BRME1: variants seen among roughly 807,000 people sequenced by gnomAD.
The protein encoded by BRME1 is break repair meiotic recombinase recruitment factor 1, also known as BRCA2 and MEILB2-associating protein 1.
In BRME1, 31 loss-of-function variants were observed where a neutral mutation model predicts 52.6. The ratio of observed to expected loss-of-function variants is 0.59; its 90% CI spans 0.44 to 0.80. The LOEUF (loss-of-function observed/expected upper bound fraction) is 0.80, where lower values mean the gene tolerates loss of function less well. BRME1 is among the 30% of genes least tolerant of loss of function. The probability of loss-of-function intolerance (pLI) is 0.00; values close to 1 mark genes in which losing one functional copy is unlikely to be tolerated. For synonymous variants in BRME1, 359 were observed against 353.6 expected, an observed-to-expected ratio of 1.02 and a Z score of -0.17; for missense variants, 804 against 860.3, an observed-to-expected ratio of 0.93 and a Z score of 0.82.
Position 13,889,983 on chromosome 19 carries a change from T to C in BRME1, c.873A>G (p.Gly291=). 1 of 1,612,818 alleles carries C rather than the reference T, an allele frequency of 6.2e-7. No homozygotes were observed. The highest frequency in any genetic ancestry group is 8.5e-7 in the Non-Finnish European group (1 of 1,179,942). The change falls in exon 6 of 9, where the codon GGA becomes GGG. Residue 291 remains glycine (G), a synonymous_variant. Transcript: ENST00000586783. ...CCAGGCACCAAGAGGCAGGGCCCAG[T>C]CCTGGAGCAGGGCCTGAGGTAGGAG... is the stretch of plus-strand genomic sequence containing the variant. ...ASAPTSGPAP[G]LGPASWCLEP... is the part of the protein sequence containing the mutation.
At chr19:13,904,585 G>T (rs1477199295) in intron 2 of BRME1, among the ~76,000 whole-genome samples, 1 of 151,902 alleles carries the variant, frequency 6.6e-6, no homozygotes, top group South Asian at 2.1e-4. Context: ...GGGACTACAG[G>T]CATGTGCCAC....
chr19:13,883,506 TC>T lies in BRME1; in HGVS notation c.1764-107del. The T allele has an allele frequency of 1.2e-6, 1 of 809,844 alleles. No homozygotes were observed. The highest frequency in any genetic ancestry group is 2.0e-6 in the Non-Finnish European group (1 of 502,278). 50.2% of individuals were successfully genotyped at this position (809,844 alleles called of 1,614,324 possible). A position where few individuals can be genotyped will look rare whatever the true frequency, so the allele number is the denominator to read the frequency against. On this transcript the variant is annotated intron_variant, in intron 7 of 8. Transcript: ENST00000586783. The surrounding 1 kb of genome is among the most constrained non-coding windows in gnomAD (Gnocchi z 4.2). ...GGCCTCGCGCCATCTTTTCCAGGTG[TC>T]CAGCCTGTCCTCCTCTGTTCACGAC...
chr19:13,900,996 A>G (rs1404705598), intron 2 of BRME1, among the ~76,000 whole-genome samples: 3 of 151,712 alleles, frequency 2.0e-5, no homozygotes, highest in South Asian at 2.1e-4. Context: ...TTTCTAAGAG[A>G]CAGGGTTTTG....
chr19:13,890,112 G>A lies in BRME1; in HGVS notation c.744C>T (p.Asp248=), dbSNP rs755726277. Residue 248 remains aspartate, a synonymous_variant, in exon 6 of 9, where the codon GAC becomes GAT. Transcript: ENST00000586783. ...CCCCTCCCTCCTGGGGGGCTCCTCT[G>A]TCTGGCTTCTCCCCTTCAGAATCAA... ...PSIDSEGEKP[D]RGAPQEGGAQ... 4 of 1,614,132 alleles carry A rather than the reference G, an allele frequency of 2.5e-6. No individual in the cohort carries two copies. The highest frequency in any genetic ancestry group is 2.2e-5 in the East Asian group (1 of 44,888).
rs886483556 is a variant in BRME1 at position 13,883,277 on chromosome 19, C to T, written c.1856+31G>A. On this transcript the variant is annotated intron_variant, in intron 8 of 8. Coordinates refer to ENST00000586783, the MANE Select transcript of BRME1 (RefSeq NM_001345843.2). The surrounding 1 kb of genome is among the most constrained non-coding windows in gnomAD (Gnocchi z 4.2). ...GAGTCCCCACTGGCCTCCCGCAGACCCTGTGCCGTGAGTCCAAGCCCACCC... is the reference window on the plus strand; with the variant it reads ...GAGTCCCCACTGGCCTCCCGCAGACTCTGTGCCGTGAGTCCAAGCCCACCC... 1 of 1,512,324 alleles carries T rather than the reference C, an allele frequency of 6.6e-7. No individual in the cohort carries two copies. The highest frequency in any genetic ancestry group is 8.9e-7 in the Non-Finnish European group (1 of 1,126,304). 93.7% of individuals were successfully genotyped at this position (1,512,324 alleles called of 1,614,324 possible).
chr19:13,896,839 G>A (rs1969939597), intron 2 of BRME1, among the ~76,000 whole-genome samples: 1 of 151,740 alleles, frequency 6.6e-6, no homozygotes, highest in Non-Finnish European at 1.5e-5. Flanking sequence ...CAAAAGGTGT[G>A]TGCCACCATG....
intron 3 of BRME1, among the ~76,000 whole-genome samples, chr19:13,893,719 C>A (rs909742303): frequency 2.4e-4 from 36 of 151,968 alleles, no homozygotes; most frequent in Non-Finnish European, 4.1e-4. Context: ...GAGTTTGAGA[C>A]CAGCCTGAGC....
intron 2 of BRME1, among the ~76,000 whole-genome samples, chr19:13,900,626 G>C (rs1462686570): frequency 1.3e-5 from 2 of 152,034 alleles, no homozygotes; most frequent in East Asian, 3.9e-4. Flanking sequence ...ACTTACTTTA[G>C]AAAATGATAG....
chr19:13,889,175 G>C lies in BRME1; in HGVS notation c.1668+13C>G. The C allele has an allele frequency of 6.5e-7, 1 of 1,548,454 alleles. No homozygotes were observed. The highest frequency in any genetic ancestry group is 1.3e-5 in the South Asian group (1 of 79,902). ...CCTGGGCAGGTATGTCTGTCACTCA[G>C]GGCAGCTCTCACCTGCTCAGGTGGG... On this transcript the variant is annotated intron_variant, in intron 6 of 8. Coordinates refer to ENST00000586783, the MANE Select transcript of BRME1 (RefSeq NM_001345843.2).
intron 3 of BRME1, among the ~76,000 whole-genome samples, chr19:13,894,836 A>T (rs1969765147): frequency 6.6e-6 from 1 of 152,200 alleles, no homozygotes; most frequent in Non-Finnish European, 1.5e-5. Context: ...ACAGAATATG[A>T]GTTCTGTAAC....
At chr19:13,897,394 C>T (rs2145203234) in intron 2 of BRME1, among the ~76,000 whole-genome samples, 1 of 152,258 alleles carries the variant, frequency 6.6e-6, no homozygotes, top group Non-Finnish European at 1.5e-5. Flanking sequence ...TGGCCCCAAC[C>T]TAATCATGCA....
At position 13,888,496 on chromosome 19, in the gene BRME1, C is replaced by T. The variant is rs1164592753; in HGVS notation, c.1668+692G>A. The T allele has an allele frequency of 1.3e-5, 2 of 152,204 alleles. No homozygotes were observed. The highest frequency in any genetic ancestry group is 2.9e-5 in the Non-Finnish European group (2 of 68,054). The allele number at this position is 152,204 out of a possible 1,614,324, so 9.4% of individuals were successfully genotyped here. ...CAGGTGTGCCAACGGCTAGGGAGGTCGCTCTTTCCCTGGGGGGCAGGGCTG... is the reference window on the plus strand; with the variant it reads ...CAGGTGTGCCAACGGCTAGGGAGGTTGCTCTTTCCCTGGGGGGCAGGGCTG... On this transcript the variant is annotated intron_variant, in intron 6 of 8. Coordinates refer to ENST00000586783, the MANE Select transcript of BRME1 (RefSeq NM_001345843.2). The surrounding 1 kb of genome is among the most constrained non-coding windows in gnomAD (Gnocchi z 4.1).
At chr19:13,889,138 T>C (rs1393401897) in intron 6 of BRME1, 50 bp downstream of exon 6, 1 of 1,483,688 alleles carries the variant, frequency 6.7e-7, no homozygotes, top group Middle Eastern at 2.0e-4. Context: ...CTTGTGGAGG[T>C]TGGGTGCCTG....
Position 13,889,453 on chromosome 19 carries a change from C to A in BRME1, c.1403G>T (p.Arg468Leu), listed in dbSNP as rs767965036. The A allele has an allele frequency of 6.2e-7, 1 of 1,613,984 alleles. No individual in the cohort carries two copies. Among genetic ancestry groups the A allele is most frequent in the South Asian group, 1.1e-5 (1 of 91,090 alleles). The change falls in exon 6 of 9, where the codon CGA becomes CTA. Residue 468 changes from arginine (R) to leucine (L), a missense_variant. Coordinates refer to ENST00000586783, the MANE Select transcript of BRME1 (RefSeq NM_001345843.2). The part of the protein sequence containing the change: ...EAELGGQNLE[R>L]DLEGFRVSPQ... Reference sequence around the variant, plus strand: ...GGACACACGGAACCCCTCGAGGTCTCGTTCGAGGTTCTGGCCACCTAACTC... The same window carrying A: ...GGACACACGGAACCCCTCGAGGTCTAGTTCGAGGTTCTGGCCACCTAACTC...
chr19:13,894,417 C>T (rs1969734608), intron 3 of BRME1, among the ~76,000 whole-genome samples: 1 of 152,064 alleles, frequency 6.6e-6, no homozygotes, highest in Non-Finnish European at 1.5e-5. Context: ...CCCAGCTACT[C>T]AGGAGGCTGA....
rs1293579406 is a variant in BRME1, at chr19:13,890,105, C to G, written c.751G>C (p.Ala251Pro). The part of the protein sequence containing the change: ...DSEGEKPDRG[A>P]PQEGGAQRTA... ...CTTTGGGCCCCTCCCTCCTGGGGGG[C>G]TCCTCTGTCTGGCTTCTCCCCTTCA... Residue 251 changes from alanine to proline, a missense_variant, in exon 6 of 9, where the codon GCC (alanine) becomes CCC (proline). This residue lies in a region of BRME1 where 552 missense variants were observed against 561.1 expected (regional missense o/e 0.98). Coordinates refer to ENST00000586783, the MANE Select transcript of BRME1 (RefSeq NM_001345843.2). 6.2e-7 allele frequency: 1 copy of G among 1,614,112 alleles called. No homozygotes were observed. The highest frequency in any genetic ancestry group is 1.1e-5 in the South Asian group (1 of 91,086).
At chr19:13,884,686 C>T (rs1449219567) in intron 7 of BRME1, among the ~76,000 whole-genome samples, 1 of 152,024 alleles carries the variant, frequency 6.6e-6, no homozygotes, top group Non-Finnish European at 1.5e-5. Flanking sequence ...TCCCCCACCC[C>T]ACAGAACAGG....
In BRME1 at chr19:13,889,853, C is replaced by T. The variant is rs371728800; in HGVS notation, c.1003G>A (p.Gly335Arg). 78 of 1,613,146 alleles carry T rather than the reference C, an allele frequency of 4.8e-5. No individual in the cohort carries two copies. The highest frequency in any genetic ancestry group is 2.0e-4 in the East Asian group (9 of 44,888). The stretch of plus-strand genomic sequence containing the variant: ...CTCAGGTCTGCGATGACAACCATCC[C>T]GAGGGAGGAGCATCCCAGGCTGCTA... Reference protein sequence around the residue: ...THSSLGCSSLGMVVIADLSTD... With the variant: ...THSSLGCSSLRMVVIADLSTD... The change falls in exon 6 of 9, where the codon GGG (glycine) becomes AGG (arginine). Residue 335 changes from glycine to arginine, a missense_variant. Gly to Arg is a moderately radical substitution (Grantham distance 125). Transcript: ENST00000586783.
chr19:13,898,080 G>T (rs1970031331), intron 2 of BRME1, among the ~76,000 whole-genome samples: 1 of 151,644 alleles, frequency 6.6e-6, no homozygotes, highest in Non-Finnish European at 1.5e-5. Context: ...GCCTGGGCAA[G>T]GGAGTGAGAT....
Sources: allele counts gnomAD v4.1 joint callset (sites outside exome capture counted in the v4.1 genomes callset), GRCh38; gene constraint gnomAD v4.1.1; regional missense constraint gnomAD v4.1.1; non-coding constraint Gnocchi (gnomAD v3.1); transcripts MANE v1.5; gene names NCBI Gene and HGNC (gene_info 2026-07-23, HGNC 2026-07-21).